Variants in VAPB observed in about 807,000 individuals in gnomAD.
The protein encoded by VAPB is VAMP associated protein B and C.
A neutral mutation model predicts 25.6 loss-of-function variants in VAPB; 7 were observed. The ratio of observed to expected loss-of-function variants is 0.27; its 90% CI spans 0.16 to 0.51. The LOEUF (loss-of-function observed/expected upper bound fraction) is 0.51. Among genes scored for constraint, VAPB ranks in the 20% least tolerant of loss-of-function variants. The probability of loss-of-function intolerance (pLI) is 0.97; values close to 1 mark genes in which losing one functional copy is unlikely to be tolerated. For synonymous variants in VAPB, 112 were observed against 109.2 expected, an observed-to-expected ratio of 1.03 and a Z score of -0.16; for missense variants, 266 against 301.3, an observed-to-expected ratio of 0.88 and a Z score of 0.87.
chr20:58,389,868 C>A (rs1987746413), intron 1 of VAPB, among the ~76,000 whole-genome samples: 1 of 152,234 alleles, frequency 6.6e-6, no homozygotes, highest in East Asian at 1.9e-4. Flanking sequence ...TTCCCCTGCT[C>A]CGTGACAGTG....
rs529393192 is a variant in VAPB, at chr20:58,418,130, C to T, written c.59-81C>T. 4.4e-6 allele frequency: 7 copies of T among 1,580,528 alleles called. No homozygotes were observed. The Middle Eastern group carries it at 5.0e-4, about 113-fold the overall frequency. Reference sequence around the variant, plus strand: ...TCGTGGATCTCAAATCTTCCCTTAACTATATTTACAGCTCTCTTTTCCACA... The same window carrying T: ...TCGTGGATCTCAAATCTTCCCTTAATTATATTTACAGCTCTCTTTTCCACA... On this transcript the variant is annotated intron_variant, in intron 1 of 5. Transcript: ENST00000475243.
At chr20:58,436,956 A>G (rs906981970) in intron 3 of VAPB, among the ~76,000 whole-genome samples, 1 of 148,296 alleles carries the variant, frequency 6.7e-6, no homozygotes, top group South Asian at 2.1e-4. Flanking sequence ...CCTTTAGTAG[A>G]GGACACCCAA....
At chr20:58,390,110 T>TA (rs1208731310) in intron 1 of VAPB, 7 of 152,296 alleles carry the variant, frequency 4.6e-5, no homozygotes, top group Non-Finnish European at 1.0e-4. Flanking sequence ...AGTAAATAAA[T>TA]ACCTGTTGAA....
At position 58,446,106 on chromosome 20, in the gene VAPB, A is replaced by C. The variant is rs1989285575; in HGVS notation, c.*1871A>C. 1 of 453,986 alleles carries C rather than the reference A, an allele frequency of 2.2e-6. No individual in the cohort carries two copies. The highest frequency in any genetic ancestry group is 2.0e-5 in the African/African-American group (1 of 49,994). The allele number at this position is 453,986 out of a possible 1,614,324, so 28.1% of individuals were successfully genotyped here. On this transcript the variant is annotated 3_prime_UTR_variant, in exon 6 of 6. Coordinates refer to ENST00000475243, the MANE Select transcript of VAPB (RefSeq NM_004738.5). ...ACTTTGAATCCCAGGTACTCACAGA[A>C]ATGGTGAACAGACTTAGTTGTTACC...
intron 5 of VAPB, among the ~76,000 whole-genome samples, chr20:58,441,843 G>T (rs917882851): frequency 1.3e-5 from 2 of 152,110 alleles, no homozygotes; most frequent in Non-Finnish European, 2.9e-5. Flanking sequence ...CTCTAAATAG[G>T]TCTGGGCAGT....
At chr20:58,394,114 A>G (rs1250261427) in intron 1 of VAPB, among the ~76,000 whole-genome samples, 1 of 152,228 alleles carries the variant, frequency 6.6e-6, no homozygotes, top group Non-Finnish European at 1.5e-5. Context: ...GAAGTCTTAG[A>G]TAGTCCTGCC....
intron 2 of VAPB, among the ~76,000 whole-genome samples, chr20:58,420,794 A>G (rs1254358279): frequency 6.6e-6 from 1 of 152,168 alleles, no homozygotes; most frequent in African/African-American, 2.4e-5. Flanking sequence ...TTGCATTTCT[A>G]GGACAGCCTT....
chr20:58,436,372 C>T (rs1362315895), intron 3 of VAPB, among the ~76,000 whole-genome samples: 2 of 117,754 alleles, frequency 1.7e-5, no homozygotes, highest in African/African-American at 3.3e-5. Context: ...TTTACTGTGT[C>T]ACCTAGGCTG....
At chr20:58,440,296 T>G (rs1388997382) in intron 4 of VAPB, 1 of 153,026 alleles carries the variant, frequency 6.5e-6, no homozygotes, top group East Asian at 1.9e-4. Flanking sequence ...CCTGACAAGC[T>G]GCGTGCTTCC....
intron 4 of VAPB, 48 bp from the exon 5 acceptor site, chr20:58,440,859 A>G: frequency 6.3e-7 from 1 of 1,588,752 alleles, no homozygotes; most frequent in Non-Finnish European, 8.6e-7. Flanking sequence ...AAAAAAGTCC[A>G]TTATTACATG....
chr20:58,442,027 G>A (rs1461761809), intron 5 of VAPB, among the ~76,000 whole-genome samples: 1 of 152,138 alleles, frequency 6.6e-6, no homozygotes, highest in African/African-American at 2.4e-5. Flanking sequence ...GAGGCAGGGG[G>A]TGCTTCTTTT....
chr20:58,389,584 G>C, intron 1 of VAPB, 67 bp downstream of exon 1: 12 of 1,488,914 alleles, frequency 8.1e-6, no homozygotes, highest in Admixed American at 4.3e-5. Context: ...GACGGAGCCC[G>C]GCGCGGCGGG....
At chr20:58,414,228 C>T (rs1317903982) in intron 1 of VAPB, among the ~76,000 whole-genome samples, 4 of 141,516 alleles carry the variant, frequency 2.8e-5, no homozygotes, top group African/African-American at 5.2e-5. Context: ...GGGGGGCTGA[C>T]CCCCCAACCT....
chr20:58,442,739 CAT>C (rs1228811576), intron 5 of VAPB, among the ~76,000 whole-genome samples: 1 of 152,194 alleles, frequency 6.6e-6, no homozygotes, highest in Non-Finnish European at 1.5e-5. Context: ...CAGGGAGAGA[CAT>C]AGACAGAAGT....
chr20:58,407,273 G>A (rs951811600), intron 1 of VAPB, among the ~76,000 whole-genome samples: 1 of 152,094 alleles, frequency 6.6e-6, no homozygotes, highest in Non-Finnish European at 1.5e-5. Context: ...TGTACACATG[G>A]GTCTTTGTCT....
intron 1 of VAPB, among the ~76,000 whole-genome samples, chr20:58,405,693 C>T (rs1988210443): frequency 6.9e-6 from 1 of 145,524 alleles, no homozygotes; most frequent in Admixed American, 7.0e-5. Context: ...GCTCAGGCCT[C>T]CCAAAATGCT....
At chr20:58,425,966 C>T (rs1988774195) in intron 2 of VAPB, among the ~76,000 whole-genome samples, 1 of 152,188 alleles carries the variant, frequency 6.6e-6, no homozygotes, top group Admixed American at 6.5e-5. Context: ...CATTTTAGCT[C>T]ACTGCAACCT....
At position 58,389,313 on chromosome 20, in the gene VAPB, G is replaced by A. The variant is rs754938858; in HGVS notation, c.-147G>A. 4.7e-5 allele frequency: 13 copies of A among 276,382 alleles called. No homozygotes were observed. The highest frequency in any genetic ancestry group is 1.6e-4 in the South Asian group (6 of 36,488). The allele number at this position is 276,382 out of a possible 1,614,324, so 17.1% of individuals were successfully genotyped here. A position where few individuals can be genotyped will look rare whatever the true frequency, so the allele number is the denominator to read the frequency against. ...CACCGCGTAGACCGACCCCCCCCCA[G>A]CGCGCCCACCCGGTAGAGGACCCCC... On this transcript the variant is annotated 5_prime_UTR_variant, in exon 1 of 6. Coordinates refer to ENST00000475243, the MANE Select transcript of VAPB (RefSeq NM_004738.5).
chr20:58,435,594 A>G (rs1989025800), intron 3 of VAPB, among the ~76,000 whole-genome samples: 2 of 152,172 alleles, frequency 1.3e-5, no homozygotes, highest in Admixed American at 1.3e-4. Context: ...TGAGTTTCAT[A>G]CCAAGGGCAA....
Sources: allele counts gnomAD v4.1 joint callset (sites outside exome capture counted in the v4.1 genomes callset), GRCh38; gene constraint gnomAD v4.1.1; transcripts MANE v1.5; gene names NCBI Gene and HGNC (gene_info 2026-07-23, HGNC 2026-07-21).